Variants in WDR36 observed in about 807,000 individuals in gnomAD.
WDR36 encodes the protein WD repeat-containing protein 36.
In WDR36, 63 loss-of-function variants were observed where a neutral mutation model predicts 112.7. That is an observed-to-expected ratio of 0.56 (90% CI 0.46 to 0.69). The LOEUF (loss-of-function observed/expected upper bound fraction) is 0.69. Ranked by LOEUF, WDR36 falls within the 30% of genes least tolerant of loss-of-function variation. WDR36 has a pLI of 0.00. For missense variants in WDR36, 1,226 were observed against 1,070.3 expected (o/e 1.15, Z -2.03); for synonymous variants, 410 against 362.2 (o/e 1.13, Z -1.50).
intron 3 of WDR36, among the ~76,000 whole-genome samples, chr5:111,098,520 A>G (rs1345725177): frequency 6.6e-6 from 1 of 152,144 alleles, no homozygotes; most frequent in Non-Finnish European, 1.5e-5. Flanking sequence ...TTACTTCCTT[A>G]TTGTTGAACT....
At chr5:111,125,900 C>A in intron 22 of WDR36, 105 bp downstream of exon 22, 3 of 1,182,902 alleles carry the variant, frequency 2.5e-6, no homozygotes, top group Non-Finnish European at 3.7e-6. Context: ...CCATCCTTTC[C>A]AGTATCATAG....
At chr5:111,124,440 A>T (rs1051254475) in intron 21 of WDR36, among the ~76,000 whole-genome samples, 5 of 152,112 alleles carry the variant, frequency 3.3e-5, no homozygotes, top group African/African-American at 7.2e-5. Context: ...GCTATTGGAG[A>T]TGGACACAGT....
At chr5:111,104,604 C>T (rs1580394695) in intron 8 of WDR36, 93 bp from the exon 9 acceptor site, 2 of 1,588,336 alleles carry the variant, frequency 1.3e-6, no homozygotes, top group Non-Finnish European at 1.7e-6. Context: ...GCAAGCACTA[C>T]TCAATACCAG....
In WDR36 at chr5:111,121,088, T is replaced by C. The variant is rs1469725718; in HGVS notation, c.2095T>C (p.Ser699Pro). 1 of 1,613,566 alleles carries C rather than the reference T, an allele frequency of 6.2e-7. No homozygotes were observed. Among genetic ancestry groups the C allele is most frequent in the Non-Finnish European group, 8.5e-7 (1 of 1,179,710 alleles). The stretch of plus-strand genomic sequence containing the variant: ...GTTGAATGAGCAATTGGTGACTCTT[T>C]CACTTCTTCCTGAATCACGATGGAA... ...EQLNEQLVTL[S>P]LLPESRWKNL... Residue 699 changes from serine (S) to proline (P), a missense_variant, in exon 19 of 23, where the codon TCA becomes CCA. By Grantham distance (74) the Ser-to-Pro change is moderately conservative (BLOSUM62 -1). Coordinates refer to ENST00000513710, the MANE Select transcript of WDR36 (RefSeq NM_139281.3).
Position 111,102,365 on chromosome 5 carries a change from C to G in WDR36, c.563C>G (p.Pro188Arg), listed in dbSNP as rs921951718. 1 of 1,609,144 alleles carries G rather than the reference C, an allele frequency of 6.2e-7. No individual in the cohort carries two copies. Among genetic ancestry groups the G allele is most frequent in the African/African-American group, 1.3e-5 (1 of 74,358 alleles). ...TGTAGTAAACTTCTATATACATTTC[C>G]AGGATGGAAAGTTGGAGTGACAGCT... The part of the protein sequence containing the change: ...VKSNKLLYTF[P>R]GWKVGVTALQ... The change falls in exon 6 of 23, where the codon CCA (proline) becomes CGA (arginine). Residue 188 changes from proline to arginine, a missense_variant. Coordinates refer to ENST00000513710, the MANE Select transcript of WDR36 (RefSeq NM_139281.3).
intron 1 of WDR36, 72 bp from the exon 2 acceptor site, chr5:111,094,848 T>C: frequency 8.0e-7 from 1 of 1,254,524 alleles, no homozygotes; most frequent in Non-Finnish European, 1.1e-6. Context: ...GGTTATATCT[T>C]AATCTTCAGG....
chr5:111,112,584 A>T (rs1268713664), intron 15 of WDR36, among the ~76,000 whole-genome samples: 1 of 151,968 alleles, frequency 6.6e-6, no homozygotes, highest in Non-Finnish European at 1.5e-5. Context: ...TCTATTATTT[A>T]TCCATTTTCA....
intron 16 of WDR36, among the ~76,000 whole-genome samples, chr5:111,114,484 A>C (rs528284635): frequency 6.6e-6 from 1 of 152,314 alleles, no homozygotes; most frequent in Admixed American, 6.5e-5. Flanking sequence ...AACAGGCCTG[A>C]GGCATACCTA....
Position 111,110,925 on chromosome 5 carries a change from C to A in WDR36, c.1579C>A (p.Pro527Thr). Residue 527 changes from proline to threonine, a missense_variant, in exon 14 of 23, where the codon CCA becomes ACA. Physicochemically the swap from Pro to Thr is conservative, Grantham distance 38. Transcript: ENST00000513710. ...LIHSVSLSSS[P>T]NIMLLHRDSG... The stretch of plus-strand genomic sequence containing the variant: ...CCATTCTGTGAGCCTCAGTTCATCT[C>A]CAAATATCATGTTGCTACATAGGGA... 1 of 1,611,308 alleles carries A rather than the reference C, an allele frequency of 6.2e-7. No individual in the cohort carries two copies. The highest frequency in any genetic ancestry group is 8.5e-7 in the Non-Finnish European group (1 of 1,178,420).
At chr5:111,118,769 C>T (rs1461276061) in intron 16 of WDR36, among the ~76,000 whole-genome samples, 2 of 152,120 alleles carry the variant, frequency 1.3e-5, no homozygotes, top group South Asian at 2.1e-4. Flanking sequence ...GTTGTTGAAA[C>T]TGCTTCTCCA....
intron 3 of WDR36, 29 bp downstream of exon 3, chr5:111,097,208 A>C (rs773065795): frequency 3.9e-6 from 6 of 1,530,860 alleles, no homozygotes; most frequent in Non-Finnish European, 5.4e-6. Flanking sequence ...CTTGTTTGTC[A>C]GTCAGTATTT....
intron 1 of WDR36, among the ~76,000 whole-genome samples, chr5:111,094,152 C>T (rs541932463): frequency 3.9e-5 from 6 of 152,278 alleles, no homozygotes; most frequent in African/African-American, 1.4e-4. Context: ...AGATTAGTTT[C>T]TTCTACAGGG....
Position 111,113,050 on chromosome 5 carries a change from A to ATTTT in WDR36, c.1717-23_1717-22insTTTT, listed in dbSNP as rs200556973. 7 of 467,326 alleles carry ATTTT rather than the reference A, an allele frequency of 1.5e-5. No homozygotes were observed. The East Asian group carries it at 2.5e-4, about 16-fold the overall frequency. 28.9% of individuals were successfully genotyped at this position (467,326 alleles called of 1,614,324 possible). A position where few individuals can be genotyped will look rare whatever the true frequency, so the allele number is the denominator to read the frequency against. ...ATATATAAATAATATATATATATAT[A>ATTTT]TATTTTTTTTTTTTAATTTAAAGGC... is the stretch of plus-strand genomic sequence containing the variant. On this transcript the variant is annotated intron_variant, in intron 15 of 22. Coordinates refer to ENST00000513710, the MANE Select transcript of WDR36 (RefSeq NM_139281.3).
At chr5:111,110,356 T>C (rs970153696) in intron 13 of WDR36, 53 bp downstream of exon 13, 12 of 1,384,958 alleles carry the variant, frequency 8.7e-6, no homozygotes, top group Middle Eastern at 1.8e-4. Context: ...ACAAAACTAG[T>C]AGTGAAAGCT....
chr5:111,107,515 C>G, intron 12 of WDR36, 76 bp downstream of exon 12: 1 of 1,561,844 alleles, frequency 6.4e-7, no homozygotes, highest in Non-Finnish European at 8.7e-7. Context: ...CAAGGTTTCT[C>G]ATCATAATAT....
At position 111,128,716 on chromosome 5, in the gene WDR36, A is replaced by G. The variant is rs1229454659; in HGVS notation, c.*1833A>G. ...ATAGAATACATCATTTTGGCAGGTAATCTTCTAGAACCTTTCATGTACTGT... is the reference window on the plus strand; with the variant it reads ...ATAGAATACATCATTTTGGCAGGTAGTCTTCTAGAACCTTTCATGTACTGT... On this transcript the variant is annotated 3_prime_UTR_variant, in exon 23 of 23. Coordinates refer to ENST00000513710, the MANE Select transcript of WDR36 (RefSeq NM_139281.3). 1.1e-5 allele frequency: 2 copies of G among 182,754 alleles called. No individual in the cohort carries two copies. The highest frequency in any genetic ancestry group is 1.8e-4 in the East Asian group (2 of 11,276). 11.3% of individuals were successfully genotyped at this position (182,754 alleles called of 1,614,324 possible). A position where few individuals can be genotyped will look rare whatever the true frequency, so the allele number is the denominator to read the frequency against.
chr5:111,101,870 G>C (rs1351479286), intron 5 of WDR36, among the ~76,000 whole-genome samples: 2 of 151,678 alleles, frequency 1.3e-5, no homozygotes, highest in Non-Finnish European at 3.0e-5. Flanking sequence ...TAATTATAAT[G>C]ATTTCAGATA....
rs1303143513 is a variant in WDR36, at chr5:111,094,585, C to T, written c.163-335C>T. Among the ~76,000 whole-genome samples, 6 of 152,156 alleles carry T rather than the reference C, an allele frequency of 3.9e-5. No individual in the cohort carries two copies. The South Asian group carries it at 1.2e-3, about 32-fold the overall frequency. On this transcript the variant is annotated intron_variant, in intron 1 of 22. Coordinates refer to ENST00000513710, the MANE Select transcript of WDR36 (RefSeq NM_139281.3). Reference sequence around the variant, plus strand: ...GATAAAAGTTTAATATACCCATGCACATTATTTATCTATTACGTATGGCTG... The same window carrying T: ...GATAAAAGTTTAATATACCCATGCATATTATTTATCTATTACGTATGGCTG...
intron 4 of WDR36, among the ~76,000 whole-genome samples, 180 bp from the exon 5 acceptor site, chr5:111,100,409 A>C (rs141064653): frequency 6.6e-6 from 1 of 152,114 alleles, no homozygotes; most frequent in East Asian, 1.9e-4. Context: ...TTACATTTAC[A>C]AGTTGCCTCT....
Sources: gnomAD v4.1 joint callset for allele counts (sites outside exome capture counted in the v4.1 genomes callset) on GRCh38, gnomAD v4.1.1 for gene constraint, MANE v1.5 for transcripts, NCBI Gene and HGNC (gene_info 2026-07-23, HGNC 2026-07-21) for gene names.